The following TANK variants were observed in gnomAD, a reference collection of about 807,000 sequenced individuals.
The protein encoded by TANK is TRAF family member associated NFKB activator, also known as TRAF family member-associated NF-kappa-B activator.
In TANK, 15 loss-of-function variants were observed where a neutral mutation model predicts 43.6. The observed-to-expected ratio is 0.34, with a 90% CI of 0.23 to 0.53. The LOEUF (loss-of-function observed/expected upper bound fraction) is 0.53. Among genes scored for constraint, TANK ranks in the 20% least tolerant of loss-of-function variants. The probability of loss-of-function intolerance (pLI) is 0.94; values close to 1 mark genes in which losing one functional copy is unlikely to be tolerated. For synonymous variants in TANK, 162 were observed against 178.2 expected (o/e 0.91, Z 0.73); for missense variants, 417 against 498.6 (o/e 0.84, Z 1.56).
chr2:161,208,816 G>GTA (rs1448911549), intron 4 of TANK, among the ~76,000 whole-genome samples: 109 of 152,306 alleles, frequency 7.2e-4, no homozygotes, highest in Admixed American at 1.9e-3. Context: ...CCTCTGTGAC[G>GTA]TAGTCTCAAA....
chr2:161,187,491 G>GAT (rs1159387141), intron 2 of TANK, among the ~76,000 whole-genome samples: 1 of 152,112 alleles, frequency 6.6e-6, no homozygotes, highest in Non-Finnish European at 1.5e-5. Context: ...ATTATATAAT[G>GAT]ATAATGGGTC....
At chr2:161,200,831 G>C (rs950633418) in intron 2 of TANK, among the ~76,000 whole-genome samples, 3 of 150,478 alleles carry the variant, frequency 2.0e-5, no homozygotes, top group African/African-American at 7.3e-5. Flanking sequence ...TATTAAGAAA[G>C]TAAAGGAATA....
At chr2:161,223,869 T>C in intron 4 of TANK, 46 bp from the exon 5 acceptor site, 1 of 1,278,880 alleles carries the variant, frequency 7.8e-7, no homozygotes, top group Non-Finnish European at 1.1e-6. Context: ...CATTTGAATT[T>C]GGGAGCAATT....
chr2:161,182,375 A>C (rs911242978), intron 2 of TANK, among the ~76,000 whole-genome samples: 1 of 152,124 alleles, frequency 6.6e-6, no homozygotes, highest in African/African-American at 2.4e-5. Flanking sequence ...CAGAACTTCT[A>C]ACCAACTAGT....
chr2:161,230,445 G>C (rs1011432728), intron 6 of TANK, among the ~76,000 whole-genome samples: 4 of 152,070 alleles, frequency 2.6e-5, no homozygotes, highest in Non-Finnish European at 5.9e-5. Context: ...TGCCTTCACT[G>C]TCTTCTTTTT....
At chr2:161,222,123 T>G (rs1297728643) in intron 4 of TANK, among the ~76,000 whole-genome samples, 1 of 152,186 alleles carries the variant, frequency 6.6e-6, no homozygotes, top group Admixed American at 6.5e-5. Context: ...TAATACTTCT[T>G]TAATCTCAGA....
chr2:161,182,993 A>G (rs1685497833), intron 2 of TANK, among the ~76,000 whole-genome samples: 1 of 152,190 alleles, frequency 6.6e-6, no homozygotes, highest in South Asian at 2.1e-4. Flanking sequence ...ATTGTAACAA[A>G]AGACTATAAC....
At chr2:161,183,278 G>C (rs951325967) in intron 2 of TANK, among the ~76,000 whole-genome samples, 3 of 152,124 alleles carry the variant, frequency 2.0e-5, no homozygotes, top group Admixed American at 6.6e-5. Flanking sequence ...GTCTTCATTA[G>C]GGGTGGATAG....
At chr2:161,146,104 T>C (rs1683902782) in intron 1 of TANK, among the ~76,000 whole-genome samples, 1 of 152,218 alleles carries the variant, frequency 6.6e-6, no homozygotes, top group African/African-American at 2.4e-5. Context: ...TTTATTCTGC[T>C]TGGTCAATTC....
chr2:161,152,107 T>C (rs1431115357), intron 1 of TANK, among the ~76,000 whole-genome samples: 1 of 152,118 alleles, frequency 6.6e-6, no homozygotes. Flanking sequence ...ATTATATCTT[T>C]ATAAGTTGTG....
At chr2:161,143,466 CTTTT>C (rs768801270) in intron 1 of TANK, among the ~76,000 whole-genome samples, 15 of 151,994 alleles carry the variant, frequency 9.9e-5, no homozygotes, top group Admixed American at 3.9e-4. Flanking sequence ...ATAAATAGCT[CTTTT>C]TATTTTGAGA....
chr2:161,215,219 A>G (rs544081001), intron 4 of TANK, among the ~76,000 whole-genome samples: 1 of 152,330 alleles, frequency 6.6e-6, no homozygotes, highest in East Asian at 1.9e-4. Flanking sequence ...TAACCAGATT[A>G]TAATTTCCTG....
chr2:161,220,933 A>T (rs555990452), intron 4 of TANK, among the ~76,000 whole-genome samples: 3 of 152,282 alleles, frequency 2.0e-5, no homozygotes, highest in Admixed American at 2.0e-4. Flanking sequence ...CTCCTCCTTA[A>T]ATATCACTGC....
At chr2:161,156,177 T>C, upstream of TANK, 3 of 985,456 alleles carry the variant, frequency 3.0e-6, no homozygotes, top group South Asian at 1.4e-4. Context: ...CTTTCTACCA[T>C]TTCCTTTAAT....
intron 1 of TANK, among the ~76,000 whole-genome samples, chr2:161,155,290 G>A (rs1684195187): frequency 6.6e-6 from 1 of 151,726 alleles, no homozygotes; most frequent in South Asian, 2.1e-4. Context: ...TTATTTATTA[G>A]GTAATAATTT....
chr2:161,178,541 G>A (rs921944741), intron 1 of TANK, among the ~76,000 whole-genome samples: 10 of 152,022 alleles, frequency 6.6e-5, no homozygotes, highest in Admixed American at 1.3e-4. Flanking sequence ...GGTATGGACT[G>A]TTTTAGGGAG....
At chr2:161,156,192 G>A (rs1311680644), upstream of TANK, 3 of 985,174 alleles carry the variant, frequency 3.0e-6, no homozygotes, top group Non-Finnish European at 3.6e-6. Flanking sequence ...TTTAATGGTT[G>A]TCACCTATTT....
At chr2:161,189,500 A>T (rs1685816965) in intron 2 of TANK, among the ~76,000 whole-genome samples, 1 of 152,308 alleles carries the variant, frequency 6.6e-6, no homozygotes, top group Non-Finnish European at 1.5e-5. Context: ...TAAGTCAAGG[A>T]TATACTTCTA....
chr2:161,187,802 G>A (rs1276291479), intron 2 of TANK, among the ~76,000 whole-genome samples: 1 of 152,080 alleles, frequency 6.6e-6, no homozygotes, highest in Non-Finnish European at 1.5e-5. Context: ...CATTCTCTGG[G>A]AGAGGCCATT....
Sources: gnomAD v4.1 joint callset for allele counts (sites outside exome capture counted in the v4.1 genomes callset) on GRCh38, gnomAD v4.1.1 for gene constraint, MANE v1.5 for transcripts, NCBI Gene and HGNC (gene_info 2026-07-23, HGNC 2026-07-21) for gene names.